Variants in RBFOX1 observed in about 807,000 individuals in gnomAD.
RBFOX1 encodes RNA binding fox-1 homolog 1, also known as RNA binding protein fox-1 homolog 1.
RBFOX1 carries 8 observed loss-of-function variants against 57.7 expected under a neutral mutation model. The observed-to-expected ratio is 0.14, with a 90% CI of 0.08 to 0.25. The LOEUF (loss-of-function observed/expected upper bound fraction) is 0.25, where lower values mean the gene tolerates loss of function less well. Among genes scored for constraint, RBFOX1 ranks in the 10% least tolerant of loss-of-function variants. The probability of loss-of-function intolerance (pLI) is 1.00; values close to 1 mark genes in which losing one functional copy is unlikely to be tolerated. For synonymous variants in RBFOX1, 326 were observed against 222.4 expected (o/e 1.47, Z -4.15); for missense variants, 611 against 548.5 (o/e 1.11, Z -1.14).
chr16:5,988,538 A>C (rs1011504558), intron 4 of RBFOX1, among the ~76,000 whole-genome samples: 1 of 152,132 alleles, frequency 6.6e-6, no homozygotes, highest in Non-Finnish European at 1.5e-5. Context: ...TTTGATCAGA[A>C]CCATCTGCTG....
intron 3 of RBFOX1, among the ~76,000 whole-genome samples, chr16:6,665,919 T>A (rs528239815): frequency 6.6e-6 from 1 of 152,230 alleles, no homozygotes; most frequent in Admixed American, 6.5e-5. Flanking sequence ...GAATTGGAGC[T>A]CCCATAATTC....
At chr16:7,049,053 G>T (rs1208080450) in intron 3 of RBFOX1, among the ~76,000 whole-genome samples, 1 of 152,150 alleles carries the variant, frequency 6.6e-6, no homozygotes, top group African/African-American at 2.4e-5. Context: ...GTCAGATACA[G>T]ACATGAGCAC....
chr16:6,808,326 C>T (rs1253088117), intron 3 of RBFOX1, among the ~76,000 whole-genome samples: 1 of 151,882 alleles, frequency 6.6e-6, no homozygotes, highest in Non-Finnish European at 1.5e-5. Flanking sequence ...CCACTGATTC[C>T]CATCTGATTA....
intron 2 of RBFOX1, among the ~76,000 whole-genome samples, chr16:6,381,146 G>A (rs1424170006): frequency 1.3e-5 from 2 of 152,080 alleles, no homozygotes; most frequent in Non-Finnish European, 2.9e-5. Flanking sequence ...TGGAGAAGAA[G>A]GAATAGATCC....
At chr16:7,239,712 A>G (rs1242169552) in intron 4 of RBFOX1, among the ~76,000 whole-genome samples, 1 of 152,178 alleles carries the variant, frequency 6.6e-6, no homozygotes, top group African/African-American at 2.4e-5. Flanking sequence ...TGATCTAGGC[A>G]GTTAGCTGGT....
At chr16:5,867,898 G>C (rs1479254957) in intron 4 of RBFOX1, among the ~76,000 whole-genome samples, 1 of 151,992 alleles carries the variant, frequency 6.6e-6, no homozygotes, top group African/African-American at 2.4e-5. Flanking sequence ...TTTTAGTAGA[G>C]ACAGGGTTTC....
intron 3 of RBFOX1, among the ~76,000 whole-genome samples, chr16:6,778,700 C>T (rs142466158): frequency 0.012 from 1,774 of 151,992 alleles, 42 homozygotes; most frequent in African/African-American, 0.041. Flanking sequence ...TCTTAGAATT[C>T]TTAAATTAAA....
At chr16:7,511,367 C>G (rs531693187) in intron 4 of RBFOX1, among the ~76,000 whole-genome samples, 1 of 152,122 alleles carries the variant, frequency 6.6e-6, no homozygotes, top group African/African-American at 2.4e-5. Flanking sequence ...GAAAAAACAA[C>G]GACAACAACA....
At chr16:7,677,887 G>A (rs1167961463) in intron 14 of RBFOX1, among the ~76,000 whole-genome samples, 1 of 152,164 alleles carries the variant, frequency 6.6e-6, no homozygotes, top group Non-Finnish European at 1.5e-5. Flanking sequence ...CTCCTACCTG[G>A]CCTGTTGTGA....
intron 3 of RBFOX1, among the ~76,000 whole-genome samples, chr16:7,002,022 T>A (rs2092856532): frequency 6.6e-6 from 1 of 152,012 alleles, no homozygotes; most frequent in Non-Finnish European, 1.5e-5. Flanking sequence ...TGGGCATAGT[T>A]GATTCAGGGA....
chr16:5,847,828 C>T (rs985968148), intron 3 of RBFOX1, among the ~76,000 whole-genome samples: 8 of 152,042 alleles, frequency 5.3e-5, no homozygotes, highest in African/African-American at 1.9e-4. Context: ...TAGGGTGTTT[C>T]GCCCCATGCT....
chr16:5,451,060 G>A (rs1300655444), intron 1 of RBFOX1, among the ~76,000 whole-genome samples: 2 of 152,194 alleles, frequency 1.3e-5, no homozygotes, highest in Non-Finnish European at 2.9e-5. Flanking sequence ...GTGGGCACTC[G>A]AGGAATGGCA....
At chr16:7,082,113 T>G (rs962337707) in intron 4 of RBFOX1, among the ~76,000 whole-genome samples, 2 of 152,128 alleles carry the variant, frequency 1.3e-5, no homozygotes, top group African/African-American at 4.8e-5. Flanking sequence ...ACTCTGGAGA[T>G]CACTCCTTGG....
intron 4 of RBFOX1, among the ~76,000 whole-genome samples, chr16:7,419,903 G>C (rs907812877): frequency 1.4e-5 from 2 of 146,088 alleles, no homozygotes; most frequent in African/African-American, 5.1e-5. Flanking sequence ...GACCTAAAAG[G>C]ATCTGTTTTC....
chr16:5,354,791 C>A (rs563107097), intron 1 of RBFOX1, among the ~76,000 whole-genome samples: 126 of 152,320 alleles, frequency 8.3e-4, no homozygotes, highest in African/African-American at 2.9e-3. Flanking sequence ...AGTGGAGACA[C>A]CACCTGCATC....
chr16:7,142,428 T>G (rs1474708844), intron 4 of RBFOX1, among the ~76,000 whole-genome samples: 1 of 152,140 alleles, frequency 6.6e-6, no homozygotes, highest in East Asian at 1.9e-4. Flanking sequence ...CACTCTTCCA[T>G]CAGCCCCTGT....
At chr16:6,791,809 G>A (rs536587475) in intron 3 of RBFOX1, among the ~76,000 whole-genome samples, 2 of 152,264 alleles carry the variant, frequency 1.3e-5, no homozygotes, top group East Asian at 3.9e-4. Flanking sequence ...GCATCCCTGT[G>A]TGTACACAGT....
intron 3 of RBFOX1, among the ~76,000 whole-genome samples, chr16:6,926,788 A>G (rs536286953): frequency 1.3e-5 from 2 of 152,114 alleles, no homozygotes; most frequent in African/African-American, 2.4e-5. Context: ...GGGTCTCTTG[A>G]GTTCTTAAAA....
Position 6,636,693 on chromosome 16 carries a change from A to G in RBFOX1, c.-63-17910A>G, listed in dbSNP as rs377122942. 4.3e-4 allele frequency among the ~76,000 whole-genome samples: 63 copies of G among 148,230 alleles called. 1 individual carries two copies. The East Asian group carries it at 8.8e-3, about 21-fold the overall frequency. ...TACATCACATAAACATTTATATTCT[A>G]TTTGATTGTGTGAATCTCACCAATC... On this transcript the variant is annotated intron_variant, in intron 2 of 15. Transcript: ENST00000550418.
Sources: gnomAD v4.1 joint callset for allele counts (sites outside exome capture counted in the v4.1 genomes callset) on GRCh38, gnomAD v4.1.1 for gene constraint, MANE v1.5 for transcripts, NCBI Gene and HGNC (gene_info 2026-07-23, HGNC 2026-07-21) for gene names.